RAPGEF6: variants seen among roughly 807,000 people sequenced by gnomAD.
RAPGEF6 encodes Rap guanine nucleotide exchange factor 6, also known as PDZ domain containing guanine nucleotide exchange factor (GEF) 2.
In RAPGEF6, 56 loss-of-function variants were observed where a neutral mutation model predicts 171.4. That is an observed-to-expected ratio of 0.33 (90% CI 0.26 to 0.41). The LOEUF (loss-of-function observed/expected upper bound fraction) is 0.41. RAPGEF6 is among the 10% of genes least tolerant of loss of function. RAPGEF6 has a pLI of 1.00. For missense variants in RAPGEF6, 1,674 were observed against 1,921.4 expected, an observed-to-expected ratio of 0.87 and a Z score of 2.41; for synonymous variants, 692 against 650.1, an observed-to-expected ratio of 1.06 and a Z score of -0.98.
intron 19 of RAPGEF6, among the ~76,000 whole-genome samples, chr5:131,460,328 A>G (rs1400621760): frequency 6.6e-6 from 1 of 151,834 alleles, no homozygotes; most frequent in Admixed American, 6.6e-5. Context: ...CTTTGGCTAG[A>G]CTCTTTTTCC....
chr5:131,606,029 CAAAAAAA>C (rs1168486376), intron 1 of RAPGEF6, among the ~76,000 whole-genome samples: 52 of 70,558 alleles, frequency 7.4e-4, no homozygotes, highest in Admixed American at 3.1e-3. Flanking sequence ...GACTCCATCT[CAAAAAAA>C]AAAAAAAAAA....
At chr5:131,582,401 T>C (rs947970645) in intron 4 of RAPGEF6, among the ~76,000 whole-genome samples, 26 of 151,872 alleles carry the variant, frequency 1.7e-4, no homozygotes, top group Non-Finnish European at 3.7e-4. Context: ...GGCAAAAAGA[T>C]AAAATTAGAT....
At chr5:131,480,409 A>G (rs1755392862) in intron 15 of RAPGEF6, among the ~76,000 whole-genome samples, 1 of 152,186 alleles carries the variant, frequency 6.6e-6, no homozygotes, top group Non-Finnish European at 1.5e-5. Context: ...TTCAGATTGT[A>G]AAATTTAGAT....
chr5:131,502,326 T>C (rs562746887), intron 11 of RAPGEF6, among the ~76,000 whole-genome samples: 95 of 152,350 alleles, frequency 6.2e-4, no homozygotes, highest in South Asian at 2.7e-3. Flanking sequence ...GTGCATACTA[T>C]ACATAAACTA....
intron 25 of RAPGEF6, among the ~76,000 whole-genome samples, chr5:131,431,660 C>A (rs567428065): frequency 6.6e-6 from 1 of 151,300 alleles, no homozygotes; most frequent in African/African-American, 2.4e-5. Flanking sequence ...GTTGCCCAGA[C>A]CAGAGTGCAG....
intron 12 of RAPGEF6, 33 bp from the exon 13 acceptor site, chr5:131,495,693 A>AT: frequency 6.3e-7 from 1 of 1,592,382 alleles, no homozygotes; most frequent in Non-Finnish European, 8.6e-7. Flanking sequence ...GCATATGGTT[A>AT]TAAGAGGCAT....
chr5:131,530,052 T>TA (rs1357886630), intron 6 of RAPGEF6, among the ~76,000 whole-genome samples: 2 of 150,802 alleles, frequency 1.3e-5, no homozygotes, highest in African/African-American at 4.9e-5. Flanking sequence ...GGACTACAGA[T>TA]ATGTGGCACC....
At chr5:131,440,283 T>C in intron 23 of RAPGEF6, 1 of 455,330 alleles carries the variant, frequency 2.2e-6, no homozygotes, top group Non-Finnish European at 4.4e-6. Context: ...AAAAATAGTA[T>C]GCAGCACAGT....
At chr5:131,601,932 G>C (rs1267640296) in intron 3 of RAPGEF6, among the ~76,000 whole-genome samples, 2 of 152,012 alleles carry the variant, frequency 1.3e-5, no homozygotes, top group East Asian at 1.9e-4. Context: ...CTACTCAGGA[G>C]GCTGAGGCAG....
intron 24 of RAPGEF6, 74 bp downstream of exon 24, chr5:131,439,507 G>A (rs1752243041): frequency 6.7e-7 from 1 of 1,488,640 alleles, no homozygotes; most frequent in South Asian, 1.4e-5. Context: ...TATTGCTATA[G>A]ATTGAAAAGC....
chr5:131,616,771 C>T (rs80337961), intron 1 of RAPGEF6, among the ~76,000 whole-genome samples: 2 of 151,866 alleles, frequency 1.3e-5, no homozygotes, highest in African/African-American at 2.4e-5. Context: ...TGTGCCACCA[C>T]CCCCAGCTTT....
At position 131,528,352 on chromosome 5, in the gene RAPGEF6, CAT is replaced by C. The variant is rs1348113937; in HGVS notation, c.496-6833_496-6832del. On this transcript the variant is annotated intron_variant, in intron 6 of 27. Coordinates refer to ENST00000509018, the MANE Select transcript of RAPGEF6 (RefSeq NM_016340.6). The stretch of plus-strand genomic sequence containing the variant: ...ATATATATATATACACACACACACA[CAT>C]ATATATATATGGCAGTATGGAGCCT... 1.5e-3 allele frequency among the ~76,000 whole-genome samples: 111 copies of C among 76,496 alleles called. 7 individuals carry two copies. The highest frequency in any genetic ancestry group is 4.4e-3 in the East Asian group (15 of 3,394). 50.2% of individuals were successfully genotyped at this position (76,496 alleles called of 152,430 possible).
intron 6 of RAPGEF6, 120 bp downstream of exon 6, chr5:131,547,927 C>T: frequency 9.5e-7 from 1 of 1,049,506 alleles, no homozygotes; most frequent in Non-Finnish European, 1.4e-6. Flanking sequence ...ATATATTTAC[C>T]TGCCCCAAAT....
At chr5:131,531,833 A>G (rs1025927749) in intron 6 of RAPGEF6, among the ~76,000 whole-genome samples, 1 of 152,216 alleles carries the variant, frequency 6.6e-6, no homozygotes, top group Non-Finnish European at 1.5e-5. Flanking sequence ...CAATAGCCAT[A>G]ATCAAAAAAT....
At chr5:131,584,273 C>T (rs1464323245) in intron 4 of RAPGEF6, among the ~76,000 whole-genome samples, 1 of 152,202 alleles carries the variant, frequency 6.6e-6, no homozygotes, top group African/African-American at 2.4e-5. Context: ...AGACAGCTTG[C>T]ATCCTGGATG....
rs1184674584 is a variant in RAPGEF6, at chr5:131,429,040, T to C, written c.4642A>G (p.Arg1548Gly). 6.2e-7 allele frequency: 1 copy of C among 1,614,162 alleles called. No homozygotes were observed. The highest frequency in any genetic ancestry group is 1.7e-5 in the Admixed American group (1 of 60,026). The change falls in exon 27 of 28, where the codon AGA becomes GGA. Residue 1548 changes from arginine (R) to glycine (G), a missense_variant. Around this residue, in one of 3 missense-constraint regions of RAPGEF6, gnomAD observed 552 missense variants for 574.2 expected, o/e 0.96. Transcript: ENST00000509018. ...CTACTGAGAGAAGCTGGTGGCAGTC[T>C]AGAGAGGCTGTTATGCATCATCTTT... ...RSKMMHNSLS[R>G]LPPASLSSNL...
intron 4 of RAPGEF6, among the ~76,000 whole-genome samples, chr5:131,564,273 G>C (rs910142521): frequency 6.6e-6 from 1 of 152,208 alleles, no homozygotes; most frequent in Non-Finnish European, 1.5e-5. Flanking sequence ...GAGTATGCAT[G>C]AGCATTTGTG....
intron 6 of RAPGEF6, among the ~76,000 whole-genome samples, chr5:131,545,054 T>C (rs1760424571): frequency 6.6e-6 from 1 of 152,012 alleles, no homozygotes; most frequent in African/African-American, 2.4e-5. Context: ...AGAAATTGTA[T>C]CAAAAAAATT....
rs1751387918 is a variant in RAPGEF6 at position 131,426,229 on chromosome 5, T to C, written c.*1037A>G. ...AGACACAACCTGGTGCTATGAGATG[T>C]GGGGGAGGCATGCTGCAGAACACTG... On this transcript the variant is annotated 3_prime_UTR_variant, in exon 28 of 28. Transcript: ENST00000509018. 1 of 152,214 alleles carries C rather than the reference T, an allele frequency of 6.6e-6. No individual in the cohort carries two copies. The highest frequency in any genetic ancestry group is 6.6e-5 in the Admixed American group (1 of 15,254). 9.4% of individuals were successfully genotyped at this position (152,214 alleles called of 1,614,324 possible).
Sources: gnomAD v4.1 joint callset for allele counts (sites outside exome capture counted in the v4.1 genomes callset) on GRCh38, gnomAD v4.1.1 for gene constraint, gnomAD v4.1.1 regional missense constraint, MANE v1.5 for transcripts, NCBI Gene and HGNC (gene_info 2026-07-23, HGNC 2026-07-21) for gene names.